The following NAA15 variants were observed in gnomAD, a reference collection of about 807,000 sequenced individuals.
NAA15 encodes N-alpha-acetyltransferase 15, NatA auxiliary subunit.
NAA15 carries 34 observed loss-of-function variants against 114.0 expected under a neutral mutation model. That is an observed-to-expected ratio of 0.30 (90% CI 0.23 to 0.40). The LOEUF is 0.40. Ranked by LOEUF, NAA15 falls within the 10% of genes least tolerant of loss-of-function variation. NAA15 has a pLI of 1.00. For synonymous variants in NAA15, 340 were observed against 338.0 expected, an observed-to-expected ratio of 1.01 and a Z score of -0.06; for missense variants, 658 against 1,004.5, an observed-to-expected ratio of 0.66 and a Z score of 4.66.
intron 2 of NAA15, among the ~76,000 whole-genome samples, chr4:139,335,782 C>T (rs3943532): frequency 0.14 from 20,652 of 145,068 alleles, 1,746 homozygotes; most frequent in Non-Finnish European, 0.19. Flanking sequence ...TTTTTTGAGA[C>T]GGAGTCTCAC....
Position 139,351,515 on chromosome 4 carries a change from T to C in NAA15, c.918T>C (p.Phe306=), listed in dbSNP as rs373488592. ...LPLNFLSGEK[F]KECLDKFLRM... Reference sequence around the variant, plus strand: ...TTTTTCTCTTCCAAGGTGAGAAGTTTAAAGAATGTTTGGATAAGTTCCTAA... The same window carrying C: ...TTTTTCTCTTCCAAGGTGAGAAGTTCAAAGAATGTTTGGATAAGTTCCTAA... The change falls in exon 9 of 20, where the codon TTT becomes TTC. Residue 306 remains phenylalanine (F), a synonymous_variant. Coordinates refer to ENST00000296543, the MANE Select transcript of NAA15 (RefSeq NM_057175.5). The C allele has an allele frequency of 3.9e-4, 616 of 1,591,992 alleles. No homozygotes were observed. Among genetic ancestry groups the C allele is most frequent in the Non-Finnish European group, 4.8e-4 (560 of 1,160,740 alleles).
intron 14 of NAA15, among the ~76,000 whole-genome samples, chr4:139,367,891 A>T (rs985749681): frequency 6.6e-6 from 1 of 152,178 alleles, no homozygotes; most frequent in Non-Finnish European, 1.5e-5. Context: ...GACACATTTT[A>T]TAACACTGTT....
chr4:139,334,063 C>T, intron 1 of NAA15, 111 bp from the exon 2 acceptor site: 1 of 667,822 alleles, frequency 1.5e-6, no homozygotes, highest in Admixed American at 3.2e-5. Context: ...GATTTAGAAG[C>T]ATATGGAAAT....
intron 1 of NAA15, among the ~76,000 whole-genome samples, chr4:139,315,596 C>T (rs1746385251): frequency 1.3e-5 from 2 of 151,800 alleles, no homozygotes; most frequent in African/African-American, 4.9e-5. Flanking sequence ...TAAACTACCT[C>T]CCAAATTAGG....
intron 6 of NAA15, among the ~76,000 whole-genome samples, chr4:139,346,904 G>A (rs1346788399): frequency 6.6e-6 from 1 of 152,158 alleles, no homozygotes; most frequent in East Asian, 1.9e-4. Context: ...AGGAAACGAG[G>A]ATGGGTATAG....
At chr4:139,387,381 C>T (rs1019823575) in intron 19 of NAA15, among the ~76,000 whole-genome samples, 1 of 152,152 alleles carries the variant, frequency 6.6e-6, no homozygotes, top group Admixed American at 6.5e-5. Flanking sequence ...CTCTTTTCTG[C>T]TTAGTTATTG....
At chr4:139,333,023 T>C (rs1239761870) in intron 1 of NAA15, among the ~76,000 whole-genome samples, 1 of 152,222 alleles carries the variant, frequency 6.6e-6, no homozygotes, top group African/African-American at 2.4e-5. Context: ...ATGCACATCC[T>C]CTTGTATACT....
Position 139,387,914 on chromosome 4 carries a change from G to A in NAA15, c.2431G>A (p.Asp811Asn), listed in dbSNP as rs753994811. 6.2e-7 allele frequency: 1 copy of A among 1,613,850 alleles called. No individual in the cohort carries two copies. Among genetic ancestry groups the A allele is most frequent in the African/African-American group, 1.3e-5 (1 of 74,904 alleles). Residue 811 changes from aspartate to asparagine, a missense_variant, in exon 20 of 20, where the codon GAT becomes AAT. Asp to Asn is a conservative substitution (Grantham distance 23, BLOSUM62 1). Coordinates refer to ENST00000296543, the MANE Select transcript of NAA15 (RefSeq NM_057175.5). ...TATGGAGGTATTGGAAGCCTTGTAT[G>A]ATGGTAGCCTAGGAGACTGTAAAGA... ...TCMEVLEALY[D>N]GSLGDCKEAA...
chr4:139,322,224 G>A (rs1428090475), intron 1 of NAA15, among the ~76,000 whole-genome samples: 2 of 152,200 alleles, frequency 1.3e-5, no homozygotes, highest in Non-Finnish European at 1.5e-5. Context: ...GGTCTTTCCT[G>A]TGCTGTTCTC....
chr4:139,337,647 A>C (rs550907650), intron 3 of NAA15, among the ~76,000 whole-genome samples: 1 of 152,214 alleles, frequency 6.6e-6, no homozygotes, highest in Non-Finnish European at 1.5e-5. Context: ...TATTTTTAAG[A>C]TAGACTTTAG....
At chr4:139,306,304 A>G (rs1746011275) in intron 1 of NAA15, among the ~76,000 whole-genome samples, 1 of 152,082 alleles carries the variant, frequency 6.6e-6, no homozygotes, top group Non-Finnish European at 1.5e-5. Context: ...CAGTGGTGTG[A>G]TCTTGGCTCA....
At position 139,386,063 on chromosome 4, in the gene NAA15, T is replaced by C; in HGVS notation, c.2303-70T>C. ...GCATATATATCTTGTTTGCCTTTTA[T>C]ATTTAAATAAGTAGAGGATAAGATG... On this transcript the variant is annotated intron_variant, in intron 18 of 19. Coordinates refer to ENST00000296543, the MANE Select transcript of NAA15 (RefSeq NM_057175.5). The C allele has an allele frequency of 1.2e-5, 9 of 775,786 alleles. No individual in the cohort carries two copies. The South Asian group carries it at 1.3e-4, about 11-fold the overall frequency. 48.1% of individuals were successfully genotyped at this position (775,786 alleles called of 1,614,324 possible).
At chr4:139,330,802 T>A (rs1746975375) in intron 1 of NAA15, among the ~76,000 whole-genome samples, 1 of 152,172 alleles carries the variant, frequency 6.6e-6, no homozygotes, top group Non-Finnish European at 1.5e-5. Context: ...CAGAGTGAGA[T>A]CCTGTCTCAA....
chr4:139,365,063 G>A (rs981596986), intron 14 of NAA15, among the ~76,000 whole-genome samples: 6 of 152,056 alleles, frequency 3.9e-5, no homozygotes, highest in African/African-American at 1.4e-4. Context: ...TTGAGATGGA[G>A]TTTCGCTCTT....
intron 3 of NAA15, among the ~76,000 whole-genome samples, chr4:139,338,049 C>G (rs1309381733): frequency 6.6e-6 from 1 of 152,170 alleles, no homozygotes; most frequent in African/African-American, 2.4e-5. Context: ...TTGAGTTCCT[C>G]TTGATGGACA....
At position 139,387,969 on chromosome 4, in the gene NAA15, A is replaced by G. The variant is rs1382853163; in HGVS notation, c.2486A>G (p.His829Arg). The stretch of plus-strand genomic sequence containing the variant: ...GCTGAAATTTATAGAGCAAATTGTC[A>G]TAAGCTTTTCCCTTATGCTTTGGCT... The part of the protein sequence containing the change: ...EAAEIYRANC[H>R]KLFPYALAFM... The change falls in exon 20 of 20, where the codon CAT becomes CGT. Residue 829 changes from histidine to arginine, a missense_variant. This residue lies in a region of NAA15 where 275 missense variants were observed against 371.1 expected (regional missense o/e 0.74). Coordinates refer to ENST00000296543, the MANE Select transcript of NAA15 (RefSeq NM_057175.5). 5 of 1,613,946 alleles carry G rather than the reference A, an allele frequency of 3.1e-6. No individual in the cohort carries two copies. Among genetic ancestry groups the G allele is most frequent in the Admixed American group, 3.3e-5 (2 of 60,002 alleles).
Position 139,388,074 on chromosome 4 carries a change from A to T in NAA15, c.2591A>T (p.Asn864Ile). 1 of 1,613,580 alleles carries T rather than the reference A, an allele frequency of 6.2e-7. No homozygotes were observed. Among genetic ancestry groups the T allele is most frequent in the South Asian group, 1.1e-5 (1 of 91,046 alleles). The change falls in exon 20 of 20, where the codon AAT becomes ATT. Residue 864 changes from asparagine to isoleucine, a missense_variant. Asn to Ile is a moderately radical substitution (Grantham distance 149). Coordinates refer to ENST00000296543, the MANE Select transcript of NAA15 (RefSeq NM_057175.5). ...DSSAEAEELA[N>I]EI ...TCTGCAGAAGCTGAAGAACTGGCCA[A>T]TGAAATTTGAACATCACTAAACAAG...
At chr4:139,330,693 G>A (rs559396207) in intron 1 of NAA15, among the ~76,000 whole-genome samples, 7 of 152,132 alleles carry the variant, frequency 4.6e-5, no homozygotes, top group Admixed American at 1.3e-4. Context: ...GTTGTATTTG[G>A]ATATATTAGG....
intron 1 of NAA15, among the ~76,000 whole-genome samples, chr4:139,332,579 T>TTTTTTG (rs1747054848): frequency 8.6e-6 from 1 of 116,560 alleles, no homozygotes; most frequent in African/African-American, 3.6e-5. Flanking sequence ...TATGTTTTTT[T>TTTTTTG]TTTTTTTTTT....
Sources: gnomAD v4.1 joint callset for allele counts (sites outside exome capture counted in the v4.1 genomes callset) on GRCh38, gnomAD v4.1.1 for gene constraint, gnomAD v4.1.1 regional missense constraint, MANE v1.5 for transcripts, NCBI Gene and HGNC (gene_info 2026-07-23, HGNC 2026-07-21) for gene names.